FRMPD4: variants seen among roughly 807,000 people sequenced by gnomAD.
FRMPD4 encodes the protein FERM and PDZ domain-containing protein 4.
In FRMPD4, 22 loss-of-function variants were observed where a neutral mutation model predicts 94.1. The ratio of observed to expected loss-of-function variants is 0.23; its 90% CI spans 0.17 to 0.33. The LOEUF is 0.33. Among genes scored for constraint, FRMPD4 ranks in the 10% least tolerant of loss-of-function variants. FRMPD4 has a pLI of 1.00. For missense variants in FRMPD4, 1,111 were observed against 1,339.9 expected (o/e 0.83, Z 2.67); for synonymous variants, 631 against 548.6 (o/e 1.15, Z -2.10).
intron 1 of FRMPD4, among the ~76,000 whole-genome samples, chrX:12,336,279 G>A (rs1485563763): frequency 9.0e-6 from 1 of 111,714 alleles, no homozygotes; most frequent in African/African-American, 3.3e-5. Context: ...AGTTGTTGGA[G>A]CTCTGTAAGT....
At chrX:11,827,102 G>T (rs867120031) in intron 1 of FRMPD4, among the ~76,000 whole-genome samples, 1 of 92,818 alleles carries the variant, frequency 1.1e-5, no homozygotes, top group Non-Finnish European at 2.1e-5. Context: ...TATATGTTCT[G>T]TATATAACAT....
In FRMPD4 at chrX:12,083,436, G is replaced by A. The variant is rs1197636868; in HGVS notation, c.95+205418G>A. On this transcript the variant is annotated intron_variant, in intron 3 of 18. Coordinates refer to the FRMPD4 transcript ENST00000640291. ...TGCCTGGATGCCCAGGCAAAAGTTT[G>A]CTGCAGAGGTGGGGGCCCTCATGGA... Among the ~76,000 whole-genome samples, 3 of 113,042 alleles carry A rather than the reference G, an allele frequency of 2.7e-5. No individual in the cohort carries two copies. The East Asian group carries it at 8.4e-4, about 31-fold the overall frequency.
At position 11,838,107 on chromosome X, in the gene FRMPD4, C is replaced by T. The variant is rs768422972; in HGVS notation, c.-161+15392C>T. 2.7e-5 allele frequency among the ~76,000 whole-genome samples: 3 copies of T among 111,143 alleles called. No individual in the cohort carries two copies. In the South Asian group the frequency reaches 1.1e-3, roughly 42 times the overall value. On this transcript the variant is annotated intron_variant, in intron 1 of 18. Transcript: ENST00000640291. ...ATTTGGCACCTTGTCTAGATTGATACCACAAGTGTTCTTTTCTAATAAAGT... is the reference window on the plus strand; with the variant it reads ...ATTTGGCACCTTGTCTAGATTGATATCACAAGTGTTCTTTTCTAATAAAGT...
chrX:12,477,632 A>G (rs1159143277), intron 1 of FRMPD4, among the ~76,000 whole-genome samples: 1 of 112,217 alleles, frequency 8.9e-6, no homozygotes, highest in Non-Finnish European at 1.9e-5. Context: ...ATTAGGAACA[A>G]TGTGTTAGAC....
intron 3 of FRMPD4, among the ~76,000 whole-genome samples, chrX:12,115,507 C>T (rs774190832): frequency 1.8e-5 from 2 of 111,365 alleles, no homozygotes; most frequent in Non-Finnish European, 3.8e-5. Flanking sequence ...TCTACCATTC[C>T]TTCAGTATTG....
Position 12,492,344 on chromosome X carries a change from T to G in FRMPD4, c.42-6336T>G, listed in dbSNP as rs1319760290. On this transcript the variant is annotated intron_variant, in intron 1 of 16. Coordinates refer to ENST00000675598, the MANE Select transcript of FRMPD4 (RefSeq NM_001368397.1). ...AAGAAACATAACTAACTCAACAAGC[T>G]GTGAGAGGCTTGTGCTGAAAATCAT... is the stretch of plus-strand genomic sequence containing the variant. Among the ~76,000 whole-genome samples, 3 of 112,206 alleles carry G rather than the reference T, an allele frequency of 2.7e-5. No individual in the cohort carries two copies. The East Asian group carries it at 8.4e-4, about 31-fold the overall frequency.
rs146205521 is a variant in FRMPD4 at position 12,083,881 on chromosome X, G to A, written c.95+205863G>A. On this transcript the variant is annotated intron_variant, in intron 3 of 18. Coordinates refer to the FRMPD4 transcript ENST00000640291. Reference sequence around the variant, plus strand: ...TTTGGAACAGCTGTATGTATCAAATGCCTGTACCCCCATTGTATCTAGGAA... The same window carrying A: ...TTTGGAACAGCTGTATGTATCAAATACCTGTACCCCCATTGTATCTAGGAA... Among the ~76,000 whole-genome samples, 29 of 112,104 alleles carry A rather than the reference G, an allele frequency of 2.6e-4. No homozygotes were observed. In the East Asian group the frequency reaches 6.2e-3, roughly 24 times the overall value.
chrX:12,232,033 A>T (rs896705973), intron 1 of FRMPD4, among the ~76,000 whole-genome samples: 1 of 111,523 alleles, frequency 9.0e-6, no homozygotes, highest in Non-Finnish European at 1.9e-5. Context: ...ACTCTGGAAG[A>T]GAAGACATAA....
At chrX:12,073,594 G>C (rs1280923719) in intron 3 of FRMPD4, among the ~76,000 whole-genome samples, 5 of 112,096 alleles carry the variant, frequency 4.5e-5, no homozygotes, top group Non-Finnish European at 3.8e-5. Context: ...ATGCCTAGCA[G>C]TGGCATTACC....
Position 12,718,335 on chromosome X carries a change from A to T in FRMPD4, c.3509A>T (p.Asp1170Val), listed in dbSNP as rs774945489. The change falls in exon 16 of 17, where the codon GAC becomes GTC. Residue 1170 changes from aspartate to valine, a missense_variant. Physicochemically the swap from Asp to Val is radical, Grantham distance 152. Coordinates refer to ENST00000675598, the MANE Select transcript of FRMPD4 (RefSeq NM_001368397.1). ...GACTTAGATAACCCAGAGGACGCTGACTCGTCCACCTGCGACCATCCTTCC... is the reference window on the plus strand; with the variant it reads ...GACTTAGATAACCCAGAGGACGCTGTCTCGTCCACCTGCGACCATCCTTCC... Reference protein sequence around the residue: ...AKDLDNPEDADSSTCDHPSKL... With the variant: ...AKDLDNPEDAVSSTCDHPSKL... 8.3e-7 allele frequency: 1 copy of T among 1,210,733 alleles called. No individual in the cohort carries two copies. Among genetic ancestry groups the T allele is most frequent in the Non-Finnish European group, 1.1e-6 (1 of 894,611 alleles).
In FRMPD4 at chrX:11,883,524, G is replaced by A. The variant is rs753627908; in HGVS notation, c.95+5506G>A. ...ATTATACTAAGCTCTAGGGGGGATG[G>A]AAAATAAATAGTAGATCTAGTCCCT... On this transcript the variant is annotated intron_variant, in intron 3 of 18. Coordinates refer to the FRMPD4 transcript ENST00000640291. 2.7e-3 allele frequency among the ~76,000 whole-genome samples: 306 copies of A among 111,477 alleles called. 1 individual carries two copies. Among genetic ancestry groups the A allele is most frequent in the African/African-American group, 8.9e-3 (273 of 30,668 alleles).
At chrX:12,318,887 G>T (rs1440758998) in intron 1 of FRMPD4, among the ~76,000 whole-genome samples, 1 of 108,978 alleles carries the variant, frequency 9.2e-6, no homozygotes, top group Admixed American at 9.7e-5. Flanking sequence ...AAATTAAAAA[G>T]AAAAAATAAT....
At chrX:12,468,177 T>G (rs2057469598) in intron 1 of FRMPD4, among the ~76,000 whole-genome samples, 1 of 112,283 alleles carries the variant, frequency 8.9e-6, no homozygotes, top group South Asian at 3.7e-4. Context: ...GAATTTTATC[T>G]CTGCATATTG....
chrX:12,177,371 C>G (rs1308436933), intron 1 of FRMPD4, among the ~76,000 whole-genome samples: 2 of 111,928 alleles, frequency 1.8e-5, no homozygotes, highest in Admixed American at 9.5e-5. Flanking sequence ...GTATGGTATA[C>G]TAGGCAGAGT....
chrX:11,834,613 G>A (rs2147275001), intron 1 of FRMPD4, among the ~76,000 whole-genome samples: 1 of 111,532 alleles, frequency 9.0e-6, no homozygotes, highest in South Asian at 3.8e-4. Flanking sequence ...AGCTGAAGAT[G>A]GAAAGCTGTC....
intron 3 of FRMPD4, among the ~76,000 whole-genome samples, chrX:11,987,923 T>A (rs1054442647): frequency 9.0e-6 from 1 of 110,999 alleles, no homozygotes; most frequent in East Asian, 2.8e-4. Flanking sequence ...AGACACTGAT[T>A]TGAAAAATTG....
At chrX:12,303,289 C>T (rs958142423) in intron 1 of FRMPD4, among the ~76,000 whole-genome samples, 1 of 111,534 alleles carries the variant, frequency 9.0e-6, no homozygotes, top group African/African-American at 3.3e-5. Context: ...AGATCTTTTC[C>T]CACAAGCCTT....
At chrX:12,291,863 T>C (rs1369106572) in intron 1 of FRMPD4, among the ~76,000 whole-genome samples, 1 of 112,230 alleles carries the variant, frequency 8.9e-6, no homozygotes, top group Non-Finnish European at 1.9e-5. Context: ...TGCCAGCTTC[T>C]TCCTAATTCA....
chrX:12,630,700 T>C (rs1413550412), intron 4 of FRMPD4, among the ~76,000 whole-genome samples: 1 of 111,943 alleles, frequency 8.9e-6, no homozygotes, highest in Non-Finnish European at 1.9e-5. Flanking sequence ...TGCACTCATA[T>C]TTTTACCCAC....
Sources: allele counts gnomAD v4.1 joint callset (sites outside exome capture counted in the v4.1 genomes callset), GRCh38; gene constraint gnomAD v4.1.1; transcripts MANE v1.5; gene names NCBI Gene and HGNC (gene_info 2026-07-23, HGNC 2026-07-21).